The following SLC24A2 variants were observed in gnomAD, a reference collection of about 807,000 sequenced individuals.
The protein encoded by SLC24A2 is solute carrier family 24 member 2.
A neutral mutation model predicts 62.0 loss-of-function variants in SLC24A2; 36 were observed. The ratio of observed to expected loss-of-function variants is 0.58; its 90% CI spans 0.44 to 0.77. The LOEUF (loss-of-function observed/expected upper bound fraction) is 0.77, where lower values mean the gene tolerates loss of function less well. Among genes scored for constraint, SLC24A2 ranks in the 30% least tolerant of loss-of-function variants. The pLI, the probability that SLC24A2 is intolerant of heterozygous loss-of-function variation, is 0.00. For missense variants in SLC24A2, 846 were observed against 817.9 expected, an observed-to-expected ratio of 1.03 and a Z score of -0.42; for synonymous variants, 358 against 294.0, an observed-to-expected ratio of 1.22 and a Z score of -2.23.
chr9:20,237,641 A>C, the SLC24A2 span, among the ~76,000 whole-genome samples: 1 of 152,198 alleles, frequency 6.6e-6, no homozygotes, highest in African/African-American at 2.4e-5. Flanking sequence ...ATTCATGCTC[A>C]AGAAAGAGCA....
chr9:19,732,939 T>G (rs982897481), intron 2 of SLC24A2, among the ~76,000 whole-genome samples: 1 of 152,214 alleles, frequency 6.6e-6, no homozygotes. Flanking sequence ...ACCTGTGGCC[T>G]TTTTGTTTTA....
At chr9:20,226,873 C>A in the SLC24A2 span, among the ~76,000 whole-genome samples, 1 of 152,194 alleles carries the variant, frequency 6.6e-6, no homozygotes, top group African/African-American at 2.4e-5. Flanking sequence ...ATACATCCAG[C>A]CAGCGAAGTA....
chr9:20,293,044 A>G, the SLC24A2 span, among the ~76,000 whole-genome samples: 4 of 152,160 alleles, frequency 2.6e-5, no homozygotes, highest in African/African-American at 9.7e-5. Context: ...GTCACTGCAT[A>G]ACATCAATCT....
At chr9:19,569,295 C>T (rs1013181168) in intron 7 of SLC24A2, among the ~76,000 whole-genome samples, 26 of 152,230 alleles carry the variant, frequency 1.7e-4, no homozygotes, top group African/African-American at 5.5e-4. Context: ...CTGTGGACCA[C>T]AGTGTGCCAA....
chr9:20,019,619 T>C, the SLC24A2 span, among the ~76,000 whole-genome samples: 1 of 152,184 alleles, frequency 6.6e-6, no homozygotes. Flanking sequence ...ATAAAAACTC[T>C]AGAAGAAAAC....
intron 2 of SLC24A2, among the ~76,000 whole-genome samples, chr9:19,747,299 TTC>T (rs1389217181): frequency 6.6e-6 from 1 of 152,152 alleles, no homozygotes; most frequent in Admixed American, 6.6e-5. Context: ...TGCCTATACT[TTC>T]TCTCTCTCCC....
chr9:19,642,556 A>G (rs865857732), intron 2 of SLC24A2, among the ~76,000 whole-genome samples: 12 of 152,174 alleles, frequency 7.9e-5, no homozygotes, highest in Middle Eastern at 3.2e-3. Flanking sequence ...TGCAGAGGCC[A>G]CTTAAAGAGT....
the SLC24A2 span, among the ~76,000 whole-genome samples, chr9:20,120,302 A>G: frequency 6.6e-6 from 1 of 152,150 alleles, no homozygotes; most frequent in African/African-American, 2.4e-5. Flanking sequence ...CATGGAATCA[A>G]CCAAGATGCC....
At chr9:19,629,206 G>A (rs1204659040) in intron 2 of SLC24A2, among the ~76,000 whole-genome samples, 3 of 152,148 alleles carry the variant, frequency 2.0e-5, no homozygotes, top group Admixed American at 1.3e-4. Flanking sequence ...AGACAGTTGG[G>A]CTCCAGAGCC....
At chr9:19,700,697 C>T (rs1820331582) in intron 2 of SLC24A2, among the ~76,000 whole-genome samples, 1 of 152,186 alleles carries the variant, frequency 6.6e-6, no homozygotes, top group Non-Finnish European at 1.5e-5. Context: ...GCAATTAGAT[C>T]TCCCTAGATT....
At position 19,535,000 on chromosome 9, in the gene SLC24A2, C is replaced by T. The variant is rs544800885; in HGVS notation, c.1480-6862G>A. ...ACAGTGTAAAAGTGTTCCTATTTCA[C>T]CACATCCTCTCCAGCACCTGTTGTT... On this transcript the variant is annotated intron_variant, in intron 8 of 10. Coordinates refer to ENST00000341998, the MANE Select transcript of SLC24A2 (RefSeq NM_020344.4). 6.6e-5 allele frequency among the ~76,000 whole-genome samples: 10 copies of T among 152,312 alleles called. No individual in the cohort carries two copies. The South Asian group carries it at 2.1e-3, about 32-fold the overall frequency.
At chr9:19,601,996 A>G (rs956844188) in intron 4 of SLC24A2, among the ~76,000 whole-genome samples, 2 of 152,202 alleles carry the variant, frequency 1.3e-5, no homozygotes, top group Non-Finnish European at 2.9e-5. Flanking sequence ...TACTCTTCTG[A>G]TCTTCAAAAA....
chr9:20,211,603 T>C, the SLC24A2 span, among the ~76,000 whole-genome samples: 1 of 152,198 alleles, frequency 6.6e-6, no homozygotes, highest in Admixed American at 6.5e-5. Flanking sequence ...TGTAAATCTA[T>C]AGTAATTGTA....
chr9:19,576,813 G>C, intron 6 of SLC24A2, 111 bp downstream of exon 6: 1 of 628,464 alleles, frequency 1.6e-6, no homozygotes, highest in African/African-American at 4.0e-5. Context: ...GGGCTGTGCT[G>C]CAGCGGTGTG....
At chr9:19,948,811 C>T in the SLC24A2 span, among the ~76,000 whole-genome samples, 1 of 140,154 alleles carries the variant, frequency 7.1e-6, no homozygotes, top group African/African-American at 2.6e-5. Context: ...CGCCACAGCA[C>T]TCCCGCCTGG....
At chr9:19,836,031 G>A in the SLC24A2 span, among the ~76,000 whole-genome samples, 1 of 152,242 alleles carries the variant, frequency 6.6e-6, no homozygotes, top group East Asian at 1.9e-4. Context: ...AAACCAGCGA[G>A]AACAAAGACA....
At chr9:19,521,830 G>C (rs1373972271) in intron 9 of SLC24A2, among the ~76,000 whole-genome samples, 2 of 151,120 alleles carry the variant, frequency 1.3e-5, no homozygotes, top group Non-Finnish European at 2.9e-5. Context: ...CATTATTATT[G>C]AAAAGCAAGG....
At chr9:19,793,982 T>C (rs1205695591), upstream of SLC24A2, among the ~76,000 whole-genome samples, 1 of 152,244 alleles carries the variant, frequency 6.6e-6, no homozygotes, top group Non-Finnish European at 1.5e-5. Flanking sequence ...CTGATTTTGT[T>C]TGCCTTTGCA....
intron 2 of SLC24A2, among the ~76,000 whole-genome samples, chr9:19,699,562 C>G (rs1014446634): frequency 1.3e-5 from 2 of 152,196 alleles, no homozygotes; most frequent in Non-Finnish European, 2.9e-5. Flanking sequence ...AAATATTCAT[C>G]ATCCAATGTT....
Sources: gnomAD v4.1 joint callset for allele counts (sites outside exome capture counted in the v4.1 genomes callset) on GRCh38, gnomAD v4.1.1 for gene constraint, MANE v1.5 for transcripts, NCBI Gene and HGNC (gene_info 2026-07-23, HGNC 2026-07-21) for gene names.